Variants in PCDH9 observed in about 807,000 individuals in gnomAD.
The protein encoded by PCDH9 is protocadherin-9.
Under a neutral mutation model 70.6 loss-of-function variants are expected in PCDH9, and 24 were observed. The ratio of observed to expected loss-of-function variants is 0.34; its 90% confidence interval spans 0.25 to 0.48. The LOEUF is 0.48. Ranked by LOEUF, PCDH9 falls within the 20% of genes least tolerant of loss-of-function variation. The pLI is 0.99. For synonymous variants in PCDH9, 562 were observed against 558.5 expected (o/e 1.01, Z -0.09); for missense variants, 1,281 against 1,503.6 (o/e 0.85, Z 2.45).
At chr13:66,435,534 T>C (rs1957852420) in intron 4 of PCDH9, among the ~76,000 whole-genome samples, 1 of 152,194 alleles carries the variant, frequency 6.6e-6, no homozygotes, top group African/African-American at 2.4e-5. Context: ...GGAGTGATAA[T>C]ATTTTAGGAT....
intron 2 of PCDH9, among the ~76,000 whole-genome samples, chr13:66,959,826 A>G (rs1209619197): frequency 1.3e-5 from 2 of 152,046 alleles, no homozygotes; most frequent in Admixed American, 6.6e-5. Flanking sequence ...AAGCTGGATT[A>G]CCTTTTTTAT....
At chr13:66,540,001 C>T (rs1332395338) in intron 4 of PCDH9, among the ~76,000 whole-genome samples, 1 of 151,164 alleles carries the variant, frequency 6.6e-6, no homozygotes, top group African/African-American at 2.4e-5. Context: ...TCCTGAGTAG[C>T]TGAGATTACA....
chr13:66,753,442 T>A (rs1197022806), intron 3 of PCDH9, among the ~76,000 whole-genome samples: 1 of 152,180 alleles, frequency 6.6e-6, no homozygotes, highest in Admixed American at 6.6e-5. Context: ...TATCAAAACA[T>A]CACTATGGAC....
At chr13:67,214,933 CAGAT>C (rs1555321174) in intron 2 of PCDH9, 1 of 26,130 alleles carries the variant, frequency 3.8e-5, no homozygotes, top group African/African-American at 1.2e-4. Flanking sequence ...TATTGCGAGC[CAGAT>C]ATATATATAT....
chr13:67,184,008 A>T (rs149973867), intron 2 of PCDH9, among the ~76,000 whole-genome samples: 1 of 152,350 alleles, frequency 6.6e-6, no homozygotes, highest in Non-Finnish European at 1.5e-5. Context: ...TTCTGTTAAA[A>T]GTATGTTTAT....
chr13:66,379,186 C>T (rs1218491733), intron 4 of PCDH9, among the ~76,000 whole-genome samples: 1 of 152,142 alleles, frequency 6.6e-6, no homozygotes, highest in East Asian at 1.9e-4. Context: ...GGTAATACAC[C>T]TCTCTCCGGC....
At chr13:66,712,173 C>G (rs2078803756) in intron 3 of PCDH9, among the ~76,000 whole-genome samples, 1 of 152,092 alleles carries the variant, frequency 6.6e-6, no homozygotes, top group East Asian at 1.9e-4. Context: ...TCACAATAGT[C>G]CCTTGCATAT....
intron 4 of PCDH9, among the ~76,000 whole-genome samples, chr13:66,353,760 GTTTGAC>G (rs1956332862): frequency 6.6e-6 from 1 of 151,750 alleles, no homozygotes; most frequent in Admixed American, 6.6e-5. Flanking sequence ...ATGCATTTCT[GTTTGAC>G]TTTGAGTCTC....
chr13:66,492,920 T>C (rs1959055722), intron 4 of PCDH9, among the ~76,000 whole-genome samples: 1 of 152,198 alleles, frequency 6.6e-6, no homozygotes, highest in Non-Finnish European at 1.5e-5. Context: ...AGTGCGATCC[T>C]GGGACTTTGT....
chr13:66,962,243 T>C (rs967726921), intron 2 of PCDH9, among the ~76,000 whole-genome samples: 3 of 152,210 alleles, frequency 2.0e-5, no homozygotes, highest in Non-Finnish European at 4.4e-5. Context: ...TTTAATCTTC[T>C]AAATGAAGAC....
chr13:67,036,687 T>C (rs954072839), intron 2 of PCDH9, among the ~76,000 whole-genome samples: 1 of 152,202 alleles, frequency 6.6e-6, no homozygotes, highest in African/African-American at 2.4e-5. Flanking sequence ...TCCGATAAAA[T>C]ATATGATCAT....
chr13:67,060,177 A>G (rs1014614356), intron 2 of PCDH9, among the ~76,000 whole-genome samples: 1 of 152,020 alleles, frequency 6.6e-6, no homozygotes, highest in African/African-American at 2.4e-5. Flanking sequence ...AGGTAGATAA[A>G]GTGTCTGAGC....
At chr13:66,954,388 C>T (rs923131901) in intron 2 of PCDH9, among the ~76,000 whole-genome samples, 13 of 151,820 alleles carry the variant, frequency 8.6e-5, no homozygotes, top group African/African-American at 3.2e-4. Context: ...CACAAAAACA[C>T]TCTCCTAGTG....
chr13:66,957,290 T>G (rs2083278702), intron 2 of PCDH9, among the ~76,000 whole-genome samples: 1 of 149,450 alleles, frequency 6.7e-6, no homozygotes, highest in African/African-American at 2.5e-5. Context: ...TGCAATGAAC[T>G]TTTTTTTTTA....
chr13:67,180,203 T>A (rs1281945971), intron 2 of PCDH9, among the ~76,000 whole-genome samples: 1 of 152,170 alleles, frequency 6.6e-6, no homozygotes, highest in Non-Finnish European at 1.5e-5. Context: ...TTTTATCTCC[T>A]TAATTATGTA....
chr13:67,211,288 GC>G (rs925534252), intron 2 of PCDH9: 11 of 152,034 alleles, frequency 7.2e-5, no homozygotes, highest in African/African-American at 2.6e-4. Flanking sequence ...AGTTGCCTAA[GC>G]CTAAGCATCC....
At chr13:66,366,344 ATAAG>A (rs1956554601) in intron 4 of PCDH9, among the ~76,000 whole-genome samples, 1 of 152,030 alleles carries the variant, frequency 6.6e-6, no homozygotes, top group African/African-American at 2.4e-5. Context: ...ACAGATTTCC[ATAAG>A]TAATTTTTTT....
At chr13:66,604,133 T>C (rs1410882196) in intron 4 of PCDH9, among the ~76,000 whole-genome samples, 2 of 151,978 alleles carry the variant, frequency 1.3e-5, no homozygotes, top group African/African-American at 4.8e-5. Context: ...TCCTCCGCAC[T>C]TGCAGATTTC....
intron 4 of PCDH9, among the ~76,000 whole-genome samples, chr13:66,474,285 T>C (rs928178676): frequency 1.3e-5 from 2 of 152,258 alleles, no homozygotes; most frequent in East Asian, 3.9e-4. Flanking sequence ...ATAAGATAGC[T>C]CTTATTTCTC....
Sources: gnomAD v4.1 joint callset for allele counts (sites outside exome capture counted in the v4.1 genomes callset) on GRCh38, gnomAD v4.1.1 for gene constraint, MANE v1.5 for transcripts, NCBI Gene and HGNC (gene_info 2026-07-23, HGNC 2026-07-21) for gene names.